CNTN3: variants seen among roughly 807,000 people sequenced by gnomAD.
CNTN3 encodes the protein contactin-3.
CNTN3 carries 60 observed loss-of-function variants against 119.1 expected under a neutral mutation model. The ratio of observed to expected loss-of-function variants is 0.50; its 90% confidence interval spans 0.41 to 0.62. The LOEUF (loss-of-function observed/expected upper bound fraction) is 0.62. Ranked by LOEUF, CNTN3 falls within the 20% of genes least tolerant of loss-of-function variation. The pLI is 0.00. For missense variants in CNTN3, 1,101 were observed against 1,242.4 expected, an observed-to-expected ratio of 0.89 and a Z score of 1.71; for synonymous variants, 450 against 438.7, an observed-to-expected ratio of 1.03 and a Z score of -0.32.
rs144772835 is a variant in CNTN3 at position 74,446,840 on chromosome 3, A to G, written c.359-21900T>C. Among the ~76,000 whole-genome samples, 311 of 152,226 alleles carry G rather than the reference A, an allele frequency of 2.0e-3. 1 individual carries two copies. The highest frequency in any genetic ancestry group is 7.1e-3 in the African/African-American group (295 of 41,562). On this transcript the variant is annotated intron_variant, in intron 4 of 22. Transcript: ENST00000263665. The stretch of plus-strand genomic sequence containing the variant: ...ATGCATTCCCAGAGATCAGGGTCAT[A>G]GGGTATAAGTTTTTTTGAGTCAGAC...
At chr3:74,497,330 GA>G (rs1374548176) in intron 3 of CNTN3, among the ~76,000 whole-genome samples, 24 of 151,710 alleles carry the variant, frequency 1.6e-4, no homozygotes, top group South Asian at 1.0e-3. Flanking sequence ...TAAAAGGTAG[GA>G]AAAAAATAGG....
intron 5 of CNTN3, among the ~76,000 whole-genome samples, chr3:74,414,654 G>T (rs964663882): frequency 2.0e-5 from 3 of 152,038 alleles, no homozygotes; most frequent in Non-Finnish European, 4.4e-5. Context: ...ACAAAACACT[G>T]CCCTATGACC....
intron 10 of CNTN3, among the ~76,000 whole-genome samples, chr3:74,363,189 G>T (rs1023365469): frequency 3.3e-5 from 5 of 152,080 alleles, no homozygotes; most frequent in African/African-American, 1.2e-4. Context: ...TCTCTGTCAT[G>T]GATAACAGCA....
chr3:74,299,959 G>C, intron 16 of CNTN3, 21 bp from the exon 17 acceptor site: 1 of 1,479,028 alleles, frequency 6.8e-7, no homozygotes, highest in Non-Finnish European at 9.2e-7. Flanking sequence ...CAGAGAAACA[G>C]AGATGAAATG....
At chr3:74,353,547 G>C (rs188713903) in intron 11 of CNTN3, among the ~76,000 whole-genome samples, 43 of 152,318 alleles carry the variant, frequency 2.8e-4, no homozygotes, top group African/African-American at 1.0e-3. Flanking sequence ...ACGAGGTCAG[G>C]AGATCGAGAC....
intron 1 of CNTN3, among the ~76,000 whole-genome samples, chr3:74,586,425 T>G (rs957781800): frequency 1.3e-5 from 2 of 152,148 alleles, no homozygotes; most frequent in Admixed American, 6.6e-5. Context: ...CTTCTCTGTC[T>G]TTTAACCTGC....
At chr3:74,411,912 C>A (rs540411182) in intron 5 of CNTN3, among the ~76,000 whole-genome samples, 3 of 152,250 alleles carry the variant, frequency 2.0e-5, no homozygotes, top group Admixed American at 6.5e-5. Flanking sequence ...CAGGAGTGGG[C>A]TGCAAAACAC....
At chr3:74,413,835 G>T (rs4676967) in intron 5 of CNTN3, among the ~76,000 whole-genome samples, 3 of 152,038 alleles carry the variant, frequency 2.0e-5, no homozygotes, top group African/African-American at 4.8e-5. Flanking sequence ...AATAAAAGCC[G>T]AATCTCAAAA....
At chr3:74,369,048 T>C in intron 8 of CNTN3, 141 bp downstream of exon 8, 1 of 520,630 alleles carries the variant, frequency 1.9e-6, no homozygotes, top group South Asian at 6.2e-5. Flanking sequence ...TGATCAATGT[T>C]TATCATCACT....
At chr3:74,411,266 T>C (rs1189026811) in intron 5 of CNTN3, among the ~76,000 whole-genome samples, 1 of 152,142 alleles carries the variant, frequency 6.6e-6, no homozygotes, top group Non-Finnish European at 1.5e-5. Flanking sequence ...TTAGCGTTTG[T>C]ACACAAAGCT....
chr3:74,558,371 A>ATC (rs1315392102), intron 1 of CNTN3, among the ~76,000 whole-genome samples: 2 of 152,200 alleles, frequency 1.3e-5, no homozygotes, highest in African/African-American at 2.4e-5. Flanking sequence ...AAAGAATGCA[A>ATC]TCTAAGAAAC....
At chr3:74,579,697 G>C (rs888128417) in intron 1 of CNTN3, among the ~76,000 whole-genome samples, 4 of 151,900 alleles carry the variant, frequency 2.6e-5, no homozygotes, top group African/African-American at 9.7e-5. Flanking sequence ...AGATAAAATA[G>C]AAAATATTTT....
intron 1 of CNTN3, among the ~76,000 whole-genome samples, chr3:74,559,773 G>A (rs1704126454): frequency 6.6e-6 from 1 of 151,956 alleles, no homozygotes; most frequent in African/African-American, 2.4e-5. Context: ...ATGACTTCCT[G>A]ATTATACCAT....
intron 4 of CNTN3, among the ~76,000 whole-genome samples, chr3:74,442,892 C>T (rs1701990376): frequency 6.6e-6 from 1 of 152,190 alleles, no homozygotes; most frequent in Non-Finnish European, 1.5e-5. Flanking sequence ...CAAGGTCACA[C>T]AGTAAGTGAC....
At chr3:74,440,483 C>CAAAAAAAAAAAA (rs57947790) in intron 4 of CNTN3, among the ~76,000 whole-genome samples, 1 of 141,896 alleles carries the variant, frequency 7.0e-6, no homozygotes, top group Non-Finnish European at 1.5e-5. Context: ...AAGCAAATAG[C>CAAAAAAAAAAAA]AAAAAAAAAA....
intron 13 of CNTN3, among the ~76,000 whole-genome samples, chr3:74,309,137 C>G (rs1243901130): frequency 1.3e-5 from 2 of 152,006 alleles, no homozygotes; most frequent in Non-Finnish European, 2.9e-5. Context: ...TGGAGTTTCA[C>G]TCTGTCACCC....
chr3:74,434,869 C>A (rs756722663), intron 4 of CNTN3, among the ~76,000 whole-genome samples: 9 of 152,172 alleles, frequency 5.9e-5, no homozygotes, highest in Non-Finnish European at 1.3e-4. Context: ...ATATGTCCAT[C>A]AAATTTTGAT....
intron 13 of CNTN3, among the ~76,000 whole-genome samples, chr3:74,321,823 C>T (rs1366924195): frequency 6.6e-6 from 1 of 152,068 alleles, no homozygotes; most frequent in Non-Finnish European, 1.5e-5. Context: ...AAGATATAAT[C>T]TGCCAAAAGT....
chr3:74,298,646 C>T lies in CNTN3; in HGVS notation c.2167-455G>A, dbSNP rs555442549. On this transcript the variant is annotated intron_variant, in intron 17 of 22. Transcript: ENST00000263665. Reference sequence around the variant, plus strand: ...GTACGGTGGCTCACGCCTGTAATCCCAGCACTTTGGGAGGCCAAGGCAAGT... The same window carrying T: ...GTACGGTGGCTCACGCCTGTAATCCTAGCACTTTGGGAGGCCAAGGCAAGT... 1.1e-3 allele frequency among the ~76,000 whole-genome samples: 166 copies of T among 150,326 alleles called. 1 individual carries two copies. Among genetic ancestry groups the T allele is most frequent in the Non-Finnish European group, 1.5e-3 (100 of 67,820 alleles).
Sources: allele counts gnomAD v4.1 joint callset (sites outside exome capture counted in the v4.1 genomes callset), GRCh38; gene constraint gnomAD v4.1.1; transcripts MANE v1.5; gene names NCBI Gene and HGNC (gene_info 2026-07-23, HGNC 2026-07-21).